DPP6: variants seen among roughly 807,000 people sequenced by gnomAD.
DPP6 encodes the protein dipeptidyl peptidase like 6.
A neutral mutation model predicts 122.6 loss-of-function variants in DPP6; 69 were observed. The ratio of observed to expected loss-of-function variants is 0.56; its 90% CI spans 0.46 to 0.69. The LOEUF (loss-of-function observed/expected upper bound fraction) is 0.69. Ranked by LOEUF, DPP6 falls within the 30% of genes least tolerant of loss-of-function variation. DPP6 has a pLI of 0.00. For synonymous variants in DPP6, 418 were observed against 433.1 expected (o/e 0.97, Z 0.43); for missense variants, 928 against 1,116.9 (o/e 0.83, Z 2.41).
chr7:153,835,555 C>T, the DPP6 span, among the ~76,000 whole-genome samples: 2 of 151,770 alleles, frequency 1.3e-5, no homozygotes, highest in Non-Finnish European at 2.9e-5. Context: ...CCATGGAAGC[C>T]GGCTGTGAGG....
the DPP6 span, among the ~76,000 whole-genome samples, chr7:153,824,640 C>T: frequency 2.0e-5 from 3 of 151,606 alleles, no homozygotes; most frequent in Non-Finnish European, 4.4e-5. Context: ...GCTGAGATCA[C>T]ACCATTGCAC....
At chr7:153,904,930 C>G (rs1799788094) in intron 1 of DPP6, among the ~76,000 whole-genome samples, 1 of 152,298 alleles carries the variant, frequency 6.6e-6, no homozygotes, top group African/African-American at 2.4e-5. Flanking sequence ...CAAAGATAGA[C>G]AGGAAGCTGT....
intron 3 of DPP6, among the ~76,000 whole-genome samples, chr7:154,538,072 G>T (rs1728114832): frequency 6.6e-6 from 1 of 151,700 alleles, no homozygotes; most frequent in Non-Finnish European, 1.5e-5. Flanking sequence ...AGTATTTAAA[G>T]ATACATAAAT....
At position 154,768,036 on chromosome 7, in the gene DPP6, A is replaced by G. The variant is rs535155407; in HGVS notation, c.884-1381A>G. Among the ~76,000 whole-genome samples, 151 of 152,312 alleles carry G rather than the reference A, an allele frequency of 9.9e-4. 1 individual carries two copies. The highest frequency in any genetic ancestry group is 1.8e-3 in the Non-Finnish European group (124 of 68,018). Reference sequence around the variant, plus strand: ...AGGGAGGGGCAGGGCATGCAGGCACATCACACCCTCAGCCCCACTGCCCTT... The same window carrying G: ...AGGGAGGGGCAGGGCATGCAGGCACGTCACACCCTCAGCCCCACTGCCCTT... On this transcript the variant is annotated intron_variant, in intron 8 of 25. Coordinates refer to ENST00000377770, the MANE Select transcript of DPP6 (RefSeq NM_130797.4).
At position 154,668,197 on chromosome 7, in the gene DPP6, T is replaced by TATATATATATATATA. The variant is rs1838288618; in HGVS notation, c.681-1163_681-1162insATATATATATATATA. On this transcript the variant is annotated intron_variant, in intron 6 of 25. Coordinates refer to ENST00000377770, the MANE Select transcript of DPP6 (RefSeq NM_130797.4). ...GTGCATTCCCAGCTATGTGTATATT[T>TATATATATATATATA]TATATATATATATATATATATAATA... is the stretch of plus-strand genomic sequence containing the variant. Among the ~76,000 whole-genome samples the TATATATATATATATA allele has an allele frequency of 2.7e-4, 10 of 36,484 alleles. 1 individual carries two copies. Among genetic ancestry groups the TATATATATATATATA allele is most frequent in the Non-Finnish European group, 3.8e-4 (5 of 13,002 alleles). The allele number at this position is 36,484 out of a possible 152,430, so 23.9% of individuals were successfully genotyped here. A position where few individuals can be genotyped will look rare whatever the true frequency, so the allele number is the denominator to read the frequency against.
the DPP6 span, among the ~76,000 whole-genome samples, chr7:153,797,820 G>A: frequency 1.3e-5 from 2 of 151,988 alleles, no homozygotes; most frequent in Non-Finnish European, 2.9e-5. Context: ...AGGGAGCTCT[G>A]GTGTCCCTCC....
At chr7:153,956,915 C>T (rs918780902) in intron 1 of DPP6, among the ~76,000 whole-genome samples, 6 of 152,138 alleles carry the variant, frequency 3.9e-5, no homozygotes, top group African/African-American at 9.7e-5. Context: ...TACAAACTGC[C>T]TTTGGTAGCA....
rs138019942 is a variant in DPP6, at chr7:154,538,176, T to A, written c.458-2356T>A. Among the ~76,000 whole-genome samples, 14 of 152,298 alleles carry A rather than the reference T, an allele frequency of 9.2e-5. No individual in the cohort carries two copies. The East Asian group carries it at 2.7e-3, about 29-fold the overall frequency. ...TAATTCTGAAATGGTCTCATTGGTT[T>A]CCGTAGAAACAAGCAGGTTTTATGT... is the stretch of plus-strand genomic sequence containing the variant. On this transcript the variant is annotated intron_variant, in intron 3 of 25. Transcript: ENST00000377770.
intron 1 of DPP6, among the ~76,000 whole-genome samples, chr7:154,384,968 T>A (rs1414483252): frequency 2.0e-5 from 3 of 152,132 alleles, no homozygotes; most frequent in East Asian, 1.9e-4. Flanking sequence ...TATAGTTTTT[T>A]AAATTTTATT....
chr7:153,855,135 G>T, the DPP6 span, among the ~76,000 whole-genome samples: 1 of 146,122 alleles, frequency 6.8e-6, no homozygotes. Context: ...TATACCTAAT[G>T]CTAGATGACA....
intron 1 of DPP6, among the ~76,000 whole-genome samples, chr7:154,015,518 G>A (rs2129050092): frequency 6.6e-6 from 1 of 152,154 alleles, no homozygotes; most frequent in Non-Finnish European, 1.5e-5. Context: ...GCTTACATGT[G>A]GCCAGAAGAG....
rs1271579524 is a variant in DPP6 at position 154,877,837 on chromosome 7, C to T, written c.2078+1737C>T. Among the ~76,000 whole-genome samples the T allele has an allele frequency of 2.0e-5, 3 of 152,148 alleles. No individual in the cohort carries two copies. The highest frequency in any genetic ancestry group is 7.2e-5 in the African/African-American group (3 of 41,432). On this transcript the variant is annotated intron_variant, in intron 20 of 25. Coordinates refer to ENST00000377770, the MANE Select transcript of DPP6 (RefSeq NM_130797.4). The surrounding 1 kb of genome is among the most constrained non-coding windows in gnomAD (Gnocchi z 5.2). Reference sequence around the variant, plus strand: ...CGTCTGACACCAGTGTGGGGCCAGCCCCTGAGCAGAGGATGTGGGGTGACA... The same window carrying T: ...CGTCTGACACCAGTGTGGGGCCAGCTCCTGAGCAGAGGATGTGGGGTGACA...
chr7:153,929,500 G>A (rs1386860777), intron 1 of DPP6, among the ~76,000 whole-genome samples: 2 of 152,060 alleles, frequency 1.3e-5, no homozygotes, highest in Non-Finnish European at 2.9e-5. Flanking sequence ...TATCTTCTTA[G>A]GAGTCATCAG....
rs1378671051 is a variant in DPP6 at position 154,426,913 on chromosome 7, C to T, written c.244-19301C>T. On this transcript the variant is annotated intron_variant, in intron 1 of 25. Transcript: ENST00000377770. ...ATTATTTGTTTCCTACCCTAGGAGT[C>T]AAAAGTGTTTGTTTAGAATAATGTG... Among the ~76,000 whole-genome samples the T allele has an allele frequency of 2.6e-5, 4 of 151,240 alleles. No homozygotes were observed. In the East Asian group the frequency reaches 7.8e-4, roughly 29 times the overall value.
At chr7:154,578,300 G>A (rs1473801173) in intron 5 of DPP6, among the ~76,000 whole-genome samples, 7 of 152,204 alleles carry the variant, frequency 4.6e-5, no homozygotes, top group African/African-American at 1.4e-4. Context: ...CGAGCCTGGC[G>A]ACGCTCTCCA....
At chr7:153,863,138 A>G in the DPP6 span, among the ~76,000 whole-genome samples, 1 of 152,292 alleles carries the variant, frequency 6.6e-6, no homozygotes, top group African/African-American at 2.4e-5. Flanking sequence ...ATATAACTCT[A>G]CCCATCATGT....
In DPP6 at chr7:154,711,939, TACAC is replaced by T. The variant is rs57187871; in HGVS notation, c.763-15805_763-15802del. On this transcript the variant is annotated intron_variant, in intron 7 of 25. Transcript: ENST00000377770. ...ATTAAGGGTGTAAATTGTCACTTAA[TACAC>T]ACACACACACACACACACACACTCT... 5.2e-3 allele frequency among the ~76,000 whole-genome samples: 333 copies of T among 63,832 alleles called. 1 individual carries two copies. Among genetic ancestry groups the T allele is most frequent in the Non-Finnish European group, 9.6e-3 (225 of 23,448 alleles). The allele number at this position is 63,832 out of a possible 152,430, so 41.9% of individuals were successfully genotyped here.
intron 1 of DPP6, among the ~76,000 whole-genome samples, chr7:154,129,254 T>G (rs1808182814): frequency 6.6e-6 from 1 of 152,034 alleles, no homozygotes; most frequent in African/African-American, 2.4e-5. Flanking sequence ...CTTTAACAAG[T>G]GACATTAACA....
At chr7:153,947,760 C>A (rs997297302) in intron 1 of DPP6, among the ~76,000 whole-genome samples, 10 of 152,134 alleles carry the variant, frequency 6.6e-5, no homozygotes, top group Non-Finnish European at 1.5e-4. Flanking sequence ...AGCCTCCTCC[C>A]GGCTGCCTCT....
Sources: gnomAD v4.1 joint callset for allele counts (sites outside exome capture counted in the v4.1 genomes callset) on GRCh38, gnomAD v4.1.1 for gene constraint, Gnocchi (gnomAD v3.1) non-coding constraint, MANE v1.5 for transcripts, NCBI Gene and HGNC (gene_info 2026-07-23, HGNC 2026-07-21) for gene names.